The following FOXN3 variants were observed in gnomAD, a reference collection of about 807,000 sequenced individuals.
FOXN3 encodes the protein forkhead box N3, also known as forkhead box protein N3.
Under a neutral mutation model 38.4 loss-of-function variants are expected in FOXN3, and 7 were observed. The observed-to-expected ratio is 0.18, with a 90% CI of 0.10 to 0.34. The LOEUF (loss-of-function observed/expected upper bound fraction) is 0.34. Ranked by LOEUF, FOXN3 falls within the 10% of genes least tolerant of loss-of-function variation. FOXN3 has a pLI of 1.00. For missense variants in FOXN3, 456 were observed against 613.4 expected (o/e 0.74, Z 2.71); for synonymous variants, 230 against 242.2 (o/e 0.95, Z 0.47).
intron 2 of FOXN3, among the ~76,000 whole-genome samples, chr14:89,400,894 C>T (rs1203046819): frequency 2.6e-5 from 4 of 152,120 alleles, no homozygotes; most frequent in South Asian, 2.1e-4. Context: ...CAATCTGGTA[C>T]ATTACCTACC....
chr14:89,511,901 T>C (rs1031487759), intron 1 of FOXN3, among the ~76,000 whole-genome samples: 2 of 152,092 alleles, frequency 1.3e-5, no homozygotes, highest in African/African-American at 4.8e-5. Flanking sequence ...TATAAAACCA[T>C]CAGATCTCAT....
intron 1 of FOXN3, among the ~76,000 whole-genome samples, chr14:89,541,761 TA>T (rs1211860951): frequency 6.6e-6 from 1 of 152,142 alleles, no homozygotes; most frequent in African/African-American, 2.4e-5. Flanking sequence ...CCCTTTCCCG[TA>T]ACAGTGCTAT....
chr14:89,511,247 TTTTCTTTC>T (rs869191500), intron 1 of FOXN3, among the ~76,000 whole-genome samples: 312 of 11,278 alleles, frequency 0.028, 50 homozygotes, highest in Middle Eastern at 0.25. Flanking sequence ...CTTTTCTTTC[TTTTCTTTC>T]TTTCTTTCTT....
intron 4 of FOXN3, among the ~76,000 whole-genome samples, chr14:89,262,144 T>C (rs76039464): frequency 0.031 from 4,621 of 149,890 alleles, 96 homozygotes; most frequent in Middle Eastern, 0.079. Flanking sequence ...AGAAGGAGAG[T>C]TTATTCCAAT....
At position 89,520,017 on chromosome 14, in the gene FOXN3, CTTT is replaced by C. The variant is rs56854196; in HGVS notation, c.-15+99008_-15+99010del. Among the ~76,000 whole-genome samples the C allele has an allele frequency of 2.4e-3, 317 of 132,430 alleles. 2 individuals carry two copies. Among genetic ancestry groups the C allele is most frequent in the African/African-American group, 8.1e-3 (301 of 37,302 alleles). 86.9% of individuals were successfully genotyped at this position (132,430 alleles called of 152,430 possible). On this transcript the variant is annotated intron_variant, in intron 1 of 6. Coordinates refer to the FOXN3 transcript ENST00000345097. ...TTTTCTTTTCTTTTTTTCTTTTTTT[CTTT>C]TTTTTTTTTTTGAGACAGGGTCTTG...
chr14:89,312,445 G>C (rs1033702889), intron 3 of FOXN3, among the ~76,000 whole-genome samples: 12 of 152,116 alleles, frequency 7.9e-5, no homozygotes, highest in African/African-American at 2.7e-4. Context: ...TGGATTAGCA[G>C]ATACTTAAAA....
intron 1 of FOXN3, among the ~76,000 whole-genome samples, chr14:89,588,728 G>A (rs1895896402): frequency 2.0e-5 from 3 of 152,198 alleles, no homozygotes; most frequent in Non-Finnish European, 4.4e-5. Context: ...TAAGTATGAA[G>A]ATATGTGATT....
intron 2 of FOXN3, among the ~76,000 whole-genome samples, chr14:89,392,001 C>G (rs938397999): frequency 6.6e-6 from 1 of 152,134 alleles, no homozygotes; most frequent in African/African-American, 2.4e-5. Flanking sequence ...TAAACTCTTT[C>G]CATTTTGTTG....
At chr14:89,284,411 G>A in intron 3 of FOXN3, 1 of 455,108 alleles carries the variant, frequency 2.2e-6, no homozygotes, top group Non-Finnish European at 4.4e-6. Flanking sequence ...AGAAGGACTA[G>A]GGCTTGCCCA....
chr14:89,470,500 G>T (rs1346946165), intron 1 of FOXN3, among the ~76,000 whole-genome samples: 1 of 152,154 alleles, frequency 6.6e-6, no homozygotes, highest in Non-Finnish European at 1.5e-5. Context: ...AGTTAATTAG[G>T]AAATGTGGCT....
intron 4 of FOXN3, among the ~76,000 whole-genome samples, chr14:89,223,844 A>C (rs1884547906): frequency 6.6e-6 from 1 of 151,692 alleles, no homozygotes; most frequent in Non-Finnish European, 1.5e-5. Context: ...AGAAATGCTT[A>C]AGGAAATCAG....
In FOXN3 at chr14:89,319,256, C is replaced by T. The variant is rs184134098; in HGVS notation, c.680+31416G>A. ...CACTAGGAGGACTCACAGGACACAG[C>T]GTACAGTCATGCTCATGGCTATGAT... is the stretch of plus-strand genomic sequence containing the variant. On this transcript the variant is annotated intron_variant, in intron 3 of 5. Transcript: ENST00000557258. 3.9e-5 allele frequency among the ~76,000 whole-genome samples: 6 copies of T among 152,204 alleles called. No individual in the cohort carries two copies. In the South Asian group the frequency reaches 8.3e-4, roughly 21 times the overall value.
chr14:89,340,222 G>C (rs549458840), intron 3 of FOXN3, among the ~76,000 whole-genome samples: 1 of 152,278 alleles, frequency 6.6e-6, no homozygotes, highest in South Asian at 2.1e-4. Flanking sequence ...CGTGTGTTCT[G>C]AGGGAAGGGG....
intron 2 of FOXN3, among the ~76,000 whole-genome samples, chr14:89,363,988 A>ATATATATATATAT (rs1420813459): frequency 5.8e-5 from 3 of 52,054 alleles, no homozygotes; most frequent in Non-Finnish European, 1.1e-4. Flanking sequence ...ATATATATAT[A>ATATATATATATAT]ATATATATAT....
At chr14:89,592,428 C>T (rs1464474658) in intron 1 of FOXN3, among the ~76,000 whole-genome samples, 1 of 152,070 alleles carries the variant, frequency 6.6e-6, no homozygotes, top group Non-Finnish European at 1.5e-5. Flanking sequence ...AAAGACACAA[C>T]AAGGCTGTAG....
intron 2 of FOXN3, among the ~76,000 whole-genome samples, chr14:89,410,501 G>A (rs1483270007): frequency 2.0e-5 from 3 of 152,182 alleles, no homozygotes; most frequent in African/African-American, 4.8e-5. Flanking sequence ...TTACTTTTCA[G>A]GGCTCAAAGT....
At chr14:89,499,253 G>A (rs74981586) in intron 1 of FOXN3, among the ~76,000 whole-genome samples, 1 of 152,054 alleles carries the variant, frequency 6.6e-6, no homozygotes, top group Non-Finnish European at 1.5e-5. Flanking sequence ...TAATATGCCA[G>A]AGGCTGAGAA....
intron 4 of FOXN3, among the ~76,000 whole-genome samples, chr14:89,227,967 G>C (rs7156851): frequency 0.17 from 25,560 of 152,038 alleles, 2,267 homozygotes; most frequent in Middle Eastern, 0.21. Context: ...CTTGAACTCC[G>C]GGCCTCAAGC....
intron 3 of FOXN3, among the ~76,000 whole-genome samples, chr14:89,297,100 G>A (rs78407252): frequency 0.012 from 1,825 of 150,658 alleles, 43 homozygotes; most frequent in African/African-American, 0.04. Context: ...GGAATCATAC[G>A]GAAGGAGAAT....
Sources: gnomAD v4.1 joint callset for allele counts (sites outside exome capture counted in the v4.1 genomes callset) on GRCh38, gnomAD v4.1.1 for gene constraint, MANE v1.5 for transcripts, NCBI Gene and HGNC (gene_info 2026-07-23, HGNC 2026-07-21) for gene names.